Variants in RALY observed in about 807,000 individuals in gnomAD.
The protein encoded by RALY is RNA-binding protein Raly.
In RALY, 15 loss-of-function variants were observed where a neutral mutation model predicts 30.7. The observed-to-expected ratio is 0.49, with a 90% CI of 0.33 to 0.75. RALY has a LOEUF of 0.75. Ranked by LOEUF, RALY falls within the 30% of genes least tolerant of loss-of-function variation. The pLI, the probability that RALY is intolerant of heterozygous loss-of-function variation, is 0.02. For missense variants in RALY, 339 were observed against 414.3 expected (o/e 0.82, Z 1.58); for synonymous variants, 177 against 170.8 (o/e 1.04, Z -0.28).
rs542761593 is a variant in RALY, at chr20:34,082,323, A to G, written c.*2418A>G. The G allele has an allele frequency of 1.3e-5, 2 of 152,310 alleles. No homozygotes were observed. The highest frequency in any genetic ancestry group is 4.1e-4 in the South Asian group (2 of 4,822). The allele number at this position is 152,310 out of a possible 1,614,324, so 9.4% of individuals were successfully genotyped here. A position where few individuals can be genotyped will look rare whatever the true frequency, so the allele number is the denominator to read the frequency against. The stretch of plus-strand genomic sequence containing the variant: ...TGGATTGGAACTTGGGCAAAGTCCA[A>G]AGAATGGGATTTAGAGCTGAATGAA... On this transcript the variant is annotated 3_prime_UTR_variant, in exon 10 of 10. Transcript: ENST00000246194.
At chr20:34,005,207 T>G (rs957810517) in intron 1 of RALY, among the ~76,000 whole-genome samples, 2 of 151,776 alleles carry the variant, frequency 1.3e-5, no homozygotes, top group Non-Finnish European at 2.9e-5. Flanking sequence ...ACTAGTCGAG[T>G]AGTTGATTTA....
intron 3 of RALY, 144 bp downstream of exon 3, chr20:34,072,474 A>G (rs1568695892): frequency 1.7e-6 from 2 of 1,195,474 alleles, no homozygotes; most frequent in Non-Finnish European, 2.2e-6. Context: ...TAAGTTTTAA[A>G]TAGTTATAAA....
rs2034024897 is a variant in RALY at position 34,081,197 on chromosome 20, A to T, written c.*1292A>T. On this transcript the variant is annotated 3_prime_UTR_variant, in exon 10 of 10. Transcript: ENST00000246194. ...AATCACTCATAGGTTACAAGTACCT[A>T]CCCTGGTCCAGTGAACTGCGGGATT... The T allele has an allele frequency of 1.3e-5, 2 of 151,794 alleles. 1 individual carries two copies. Among genetic ancestry groups the T allele is most frequent in the South Asian group, 4.2e-4 (2 of 4,786 alleles). The allele number at this position is 151,794 out of a possible 1,614,324, so 9.4% of individuals were successfully genotyped here.
At chr20:34,048,925 T>G (rs2032983301) in intron 2 of RALY, among the ~76,000 whole-genome samples, 2 of 151,968 alleles carry the variant, frequency 1.3e-5, no homozygotes, top group South Asian at 2.1e-4. Flanking sequence ...TCATTCAGCC[T>G]TCAACAGATA....
intron 2 of RALY, among the ~76,000 whole-genome samples, chr20:34,040,694 AT>A (rs2032667135): frequency 6.6e-6 from 1 of 152,192 alleles, no homozygotes; most frequent in South Asian, 2.1e-4. Context: ...GGTACTTTAA[AT>A]AGATTATCTC....
At chr20:34,048,513 G>A (rs1225363376) in intron 2 of RALY, among the ~76,000 whole-genome samples, 1 of 152,186 alleles carries the variant, frequency 6.6e-6, no homozygotes, top group Non-Finnish European at 1.5e-5. Flanking sequence ...CGCATTAGTA[G>A]TGGAGTTAGA....
chr20:34,007,253 C>T (rs748052611), intron 1 of RALY, among the ~76,000 whole-genome samples: 2 of 152,030 alleles, frequency 1.3e-5, no homozygotes, highest in African/African-American at 2.4e-5. Flanking sequence ...CTGGGTCAGC[C>T]GGGCACACCT....
chr20:34,016,242 T>G (rs1160351940), intron 1 of RALY, among the ~76,000 whole-genome samples: 3 of 152,240 alleles, frequency 2.0e-5, no homozygotes, highest in African/African-American at 7.2e-5. Context: ...CAGACTAGTT[T>G]TGAAAGGAAA....
intron 1 of RALY, among the ~76,000 whole-genome samples, chr20:34,011,923 G>A (rs748485449): frequency 1.1e-4 from 16 of 152,230 alleles, no homozygotes; most frequent in Non-Finnish European, 1.8e-4. Flanking sequence ...AAAATTAGCC[G>A]GGTGTAGTGG....
intron 2 of RALY, among the ~76,000 whole-genome samples, chr20:34,061,936 T>C (rs1409965863): frequency 6.6e-6 from 1 of 152,222 alleles, no homozygotes; most frequent in Non-Finnish European, 1.5e-5. Context: ...CTGCTTTCTT[T>C]TTCTATCACT....
At chr20:34,027,745 T>C (rs2123081106) in intron 1 of RALY, among the ~76,000 whole-genome samples, 1 of 152,298 alleles carries the variant, frequency 6.6e-6, no homozygotes, top group South Asian at 2.1e-4. Flanking sequence ...ACTAATTAGA[T>C]AGAAGGTTCA....
intron 1 of RALY, among the ~76,000 whole-genome samples, chr20:33,995,021 A>G (rs1367983243): frequency 1.3e-5 from 2 of 152,098 alleles, no homozygotes; most frequent in Non-Finnish European, 2.9e-5. Context: ...ATTATTTATT[A>G]ATATTTCCTG....
intron 2 of RALY, among the ~76,000 whole-genome samples, chr20:34,046,689 A>G (rs1419526393): frequency 1.3e-5 from 2 of 151,788 alleles, no homozygotes; most frequent in East Asian, 1.9e-4. Context: ...CATTTTTTAT[A>G]TATTTGTTAT....
chr20:34,025,484 A>T (rs1387973411), intron 1 of RALY, among the ~76,000 whole-genome samples: 1 of 151,840 alleles, frequency 6.6e-6, no homozygotes, highest in Non-Finnish European at 1.5e-5. Flanking sequence ...TTGTATTTTT[A>T]GTAGAGACGG....
At chr20:34,027,875 A>T (rs1188370274) in intron 1 of RALY, among the ~76,000 whole-genome samples, 1 of 152,256 alleles carries the variant, frequency 6.6e-6, no homozygotes, top group Non-Finnish European at 1.5e-5. Flanking sequence ...ATGTGATTAT[A>T]AAATCCTTGT....
Position 34,082,758 on chromosome 20 carries a change from C to A in RALY, c.*2853C>A, listed in dbSNP as rs2034050389. ...TCTAACAGTGCATACACATGCCCTT[C>A]CTCTGAGTCGGGGCAGCAAAAACAT... On this transcript the variant is annotated 3_prime_UTR_variant, in exon 10 of 10. Coordinates refer to ENST00000246194, the MANE Select transcript of RALY (RefSeq NM_016732.3). 6.6e-6 allele frequency: 1 copy of A among 152,216 alleles called. No individual in the cohort carries two copies. The highest frequency in any genetic ancestry group is 1.5e-5 in the Non-Finnish European group (1 of 68,058). 9.4% of individuals were successfully genotyped at this position (152,216 alleles called of 1,614,324 possible).
At chr20:34,020,294 G>T (rs2031771848) in intron 1 of RALY, among the ~76,000 whole-genome samples, 1 of 152,196 alleles carries the variant, frequency 6.6e-6, no homozygotes, top group East Asian at 1.9e-4. Context: ...GGAATCATTG[G>T]CAAAGACTTC....
chr20:33,996,760 T>C (rs1568644060), intron 1 of RALY, among the ~76,000 whole-genome samples: 1 of 152,254 alleles, frequency 6.6e-6, no homozygotes, highest in East Asian at 1.9e-4. Context: ...CCAACTGAAA[T>C]TCTGTACCCA....
chr20:34,000,253 G>C (rs1367192329), intron 1 of RALY, among the ~76,000 whole-genome samples: 1 of 152,158 alleles, frequency 6.6e-6, no homozygotes, highest in Non-Finnish European at 1.5e-5. Flanking sequence ...TCACTAGCCT[G>C]AGCATCGTTT....
Sources: allele counts gnomAD v4.1 joint callset (sites outside exome capture counted in the v4.1 genomes callset), GRCh38; gene constraint gnomAD v4.1.1; transcripts MANE v1.5; gene names NCBI Gene and HGNC (gene_info 2026-07-23, HGNC 2026-07-21).